The following ST6GALNAC6 variants were observed in gnomAD, a reference collection of about 807,000 sequenced individuals.
The protein encoded by ST6GALNAC6 is ST6 N-acetylgalactosaminide alpha-2,6-sialyltransferase 6.
A neutral mutation model predicts 34.3 loss-of-function variants in ST6GALNAC6; 19 were observed. The observed-to-expected ratio is 0.55, with a 90% CI of 0.39 to 0.81. The LOEUF (loss-of-function observed/expected upper bound fraction) is 0.81. Among genes scored for constraint, ST6GALNAC6 ranks in the 40% least tolerant of loss-of-function variants. The probability of loss-of-function intolerance (pLI) is 0.00; values close to 1 mark genes in which losing one functional copy is unlikely to be tolerated. For missense variants in ST6GALNAC6, 377 were observed against 467.7 expected (o/e 0.81, Z 1.79); for synonymous variants, 185 against 182.1 (o/e 1.02, Z -0.13).
intron 2 of ST6GALNAC6, 133 bp downstream of exon 2, chr9:127,897,823 C>T: frequency 1.3e-6 from 2 of 1,559,422 alleles, no homozygotes; most frequent in South Asian, 1.2e-5. Flanking sequence ...CCCACTTTCC[C>T]ACCTTTGCCC....
intron 2 of ST6GALNAC6, chr9:127,896,863 C>A (rs189026246): frequency 5.1e-6 from 5 of 985,154 alleles, no homozygotes; most frequent in Non-Finnish European, 4.8e-6. Flanking sequence ...GAGCTGCCTG[C>A]GGGATACAGC....
chr9:127,901,392 C>T (rs904756216), upstream of ST6GALNAC6, among the ~76,000 whole-genome samples: 2 of 151,872 alleles, frequency 1.3e-5, no homozygotes, highest in South Asian at 2.1e-4. Context: ...GAGTTCGAGA[C>T]CAGCCTGGCT....
chr9:127,885,846 G>A lies in ST6GALNAC6; in HGVS notation c.*753C>T, dbSNP rs1829723622. 6.6e-6 allele frequency: 1 copy of A among 152,194 alleles called. No individual in the cohort carries two copies. The highest frequency in any genetic ancestry group is 1.5e-5 in the Non-Finnish European group (1 of 68,060). 9.4% of individuals were successfully genotyped at this position (152,194 alleles called of 1,614,324 possible). On this transcript the variant is annotated 3_prime_UTR_variant, in exon 7 of 7. Transcript: ENST00000373146. ...CGCAAAAATACCCTAAAGTTTTCCA[G>A]GAGGTGGGGAGGTCACCCCAGACCC...
intron 4 of ST6GALNAC6, among the ~76,000 whole-genome samples, chr9:127,893,033 G>A (rs188490234): frequency 6.2e-4 from 95 of 152,264 alleles, no homozygotes; most frequent in Admixed American, 1.5e-3. Context: ...TGCAACACCC[G>A]CAGTCTCAGT....
chr9:127,895,360 G>C (rs1830388750), intron 3 of ST6GALNAC6, among the ~76,000 whole-genome samples: 2 of 152,196 alleles, frequency 1.3e-5, no homozygotes, highest in Admixed American at 6.5e-5. Context: ...AGCAGTGCCA[G>C]CAAGTCAGGC....
chr9:127,890,676 T>G lies in ST6GALNAC6; in HGVS notation c.665A>C (p.Gln222Pro). The change falls in exon 5 of 7, where the codon CAA becomes CCA. Residue 222 changes from glutamine to proline, a missense_variant. By Grantham distance (76) the Gln-to-Pro change is moderately conservative. Transcript: ENST00000373146. The surrounding 1 kb of genome is among the most constrained non-coding windows in gnomAD (Gnocchi z 4.3). ...AYAVSPGRMRQFDDLFRGETG... is the reference protein window; with the variant it reads ...AYAVSPGRMRPFDDLFRGETG... ...CTCACCCCGGAAGAGGTCGTCAAAT[T>G]GCCGCATGCGGCCGGGAGAGACGGC... 6.2e-7 allele frequency: 1 copy of G among 1,613,318 alleles called. No individual in the cohort carries two copies. Among genetic ancestry groups the G allele is most frequent in the South Asian group, 1.1e-5 (1 of 91,084 alleles).
intron 5 of ST6GALNAC6, 128 bp from the exon 6 acceptor site, chr9:127,887,719 G>A: frequency 1.4e-6 from 1 of 724,144 alleles, no homozygotes; most frequent in Non-Finnish European, 2.4e-6. Context: ...CTCCCACTTT[G>A]GTTACCCCAA....
At chr9:127,897,916 C>G in intron 2 of ST6GALNAC6, 40 bp downstream of exon 2, 1 of 1,613,630 alleles carries the variant, frequency 6.2e-7, no homozygotes, top group East Asian at 2.2e-5. Context: ...GTCAGTACAG[C>G]ATGTCAGCTG....
At chr9:127,892,231 A>G (rs1040556439) in intron 4 of ST6GALNAC6, among the ~76,000 whole-genome samples, 2 of 152,240 alleles carry the variant, frequency 1.3e-5, no homozygotes, top group Non-Finnish European at 2.9e-5. Context: ...CTGACCTCAC[A>G]GTCTAACCAC....
chr9:127,905,609 G>A (rs118145348), upstream of ST6GALNAC6, among the ~76,000 whole-genome samples: 848 of 152,238 alleles, frequency 5.6e-3, 9 homozygotes, highest in Non-Finnish European at 9.2e-3. Context: ...CAACCAATGG[G>A]GCAGGGGCTT....
At chr9:127,888,806 A>AAAAC (rs59403833) in intron 5 of ST6GALNAC6, among the ~76,000 whole-genome samples, 89,558 of 148,672 alleles carry the variant, frequency 0.6, 28,428 homozygotes, top group East Asian at 0.74. Context: ...ACTCCATCTC[A>AAAAC]AAACAAACAA....
upstream of ST6GALNAC6, chr9:127,899,805 T>G: frequency 3.9e-6 from 1 of 253,516 alleles, no homozygotes; most frequent in Non-Finnish European, 6.2e-6. Context: ...ACCACCAAAA[T>G]ACAACAGCCT....
chr9:127,894,985 G>A (rs537242275), intron 3 of ST6GALNAC6, among the ~76,000 whole-genome samples: 4 of 152,288 alleles, frequency 2.6e-5, no homozygotes, highest in Middle Eastern at 3.4e-3. Flanking sequence ...AAGGTTCTCC[G>A]GGAGGGTTTG....
chr9:127,900,991 CAAAAAAAAAAAAAAA>C (rs56673204), upstream of ST6GALNAC6, among the ~76,000 whole-genome samples: 4 of 61,006 alleles, frequency 6.6e-5, no homozygotes, highest in East Asian at 6.1e-4. Context: ...AACTCCCTAT[CAAAAAAAAAAAAAAA>C]AAAAAAAAAA....
In ST6GALNAC6 at chr9:127,899,571, C is replaced by CG. The variant is rs1830673292; in HGVS notation, c.-99dup. On this transcript the variant is annotated 5_prime_UTR_variant, in exon 1 of 7. Transcript: ENST00000373146. ...TCACATGGCGCCGGGAGCCGAGCGC[C>CG]GGGGTCCGCGCTCCTCAGGCCGCCC... The CG allele has an allele frequency of 1.0e-6, 1 of 981,048 alleles. No individual in the cohort carries two copies. Among genetic ancestry groups the CG allele is most frequent in the Admixed American group, 6.3e-5 (1 of 15,894 alleles). 60.8% of individuals were successfully genotyped at this position (981,048 alleles called of 1,614,324 possible). A position where few individuals can be genotyped will look rare whatever the true frequency, so the allele number is the denominator to read the frequency against.
rs1428209333 is a variant in ST6GALNAC6, at chr9:127,890,549, TG to T, written c.704+87del. 1 of 1,580,780 alleles carries T rather than the reference TG, an allele frequency of 6.3e-7. No individual in the cohort carries two copies. Among genetic ancestry groups the T allele is most frequent in the African/African-American group, 1.3e-5 (1 of 74,310 alleles). The stretch of plus-strand genomic sequence containing the variant: ...GGGACTTGACTACCCCTCAGAGCAG[TG>T]CATGCTGGGAGCAACAGGCCCTCTG... On this transcript the variant is annotated intron_variant, in intron 5 of 6. Coordinates refer to ENST00000373146, the MANE Select transcript of ST6GALNAC6 (RefSeq NM_013443.5). The surrounding 1 kb of genome is among the most constrained non-coding windows in gnomAD (Gnocchi z 4.3).
In ST6GALNAC6 at chr9:127,890,615, G is replaced by C; in HGVS notation, c.704+22C>G. ...AGAAGGAGCACAGTGCTGGCCAGAG[G>C]GGGCAGGCAGGAGGCTGGTACCTGT... On this transcript the variant is annotated intron_variant, in intron 5 of 6. Transcript: ENST00000373146. This position sits in a 1 kb window ranked among gnomAD's most constrained non-coding sequence, Gnocchi z 4.3. 6.2e-7 allele frequency: 1 copy of C among 1,612,884 alleles called. No homozygotes were observed. The highest frequency in any genetic ancestry group is 1.3e-5 in the African/African-American group (1 of 75,062).
rs759234632 is a variant in ST6GALNAC6 at position 127,886,467 on chromosome 9, C to G, written c.*132G>C. On this transcript the variant is annotated 3_prime_UTR_variant, in exon 7 of 7. Transcript: ENST00000373146. Reference sequence around the variant, plus strand: ...GGCCCTGATTGGCTGGAGGATACATCCTCCTCAAGGCCCTGATTGGCTGGG... The same window carrying G: ...GGCCCTGATTGGCTGGAGGATACATGCTCCTCAAGGCCCTGATTGGCTGGG... 7.5e-6 allele frequency: 11 copies of G among 1,459,708 alleles called. No individual in the cohort carries two copies. The highest frequency in any genetic ancestry group is 9.9e-6 in the Non-Finnish European group (11 of 1,105,668). 90.4% of individuals were successfully genotyped at this position (1,459,708 alleles called of 1,614,324 possible).
chr9:127,900,321 G>C (rs1488410541), upstream of ST6GALNAC6, among the ~76,000 whole-genome samples: 2 of 152,174 alleles, frequency 1.3e-5, no homozygotes, highest in Non-Finnish European at 2.9e-5. Context: ...AACACTTTGG[G>C]AGGTCGAGGC....
Sources: gnomAD v4.1 joint callset for allele counts (sites outside exome capture counted in the v4.1 genomes callset) on GRCh38, gnomAD v4.1.1 for gene constraint, Gnocchi (gnomAD v3.1) non-coding constraint, MANE v1.5 for transcripts, NCBI Gene and HGNC (gene_info 2026-07-23, HGNC 2026-07-21) for gene names.